IMPG1: variants seen among roughly 807,000 people sequenced by gnomAD.
IMPG1 encodes the protein interphotoreceptor matrix proteoglycan of 150 kDa.
A neutral mutation model predicts 92.0 loss-of-function variants in IMPG1; 85 were observed. The observed-to-expected ratio is 0.92, with a 90% CI of 0.78 to 1.11. The LOEUF (loss-of-function observed/expected upper bound fraction) is 1.11. Among genes scored for constraint, IMPG1 ranks in the 50% least tolerant of loss-of-function variants. The probability of loss-of-function intolerance (pLI) is 0.00; values close to 1 mark genes in which losing one functional copy is unlikely to be tolerated. For synonymous variants in IMPG1, 367 were observed against 334.1 expected (o/e 1.10, Z -1.08); for missense variants, 1,022 against 956.0 (o/e 1.07, Z -0.91).
chr6:75,974,785 G>C (rs1782508291), intron 12 of IMPG1, among the ~76,000 whole-genome samples: 1 of 151,956 alleles, frequency 6.6e-6, no homozygotes, highest in Non-Finnish European at 1.5e-5. Context: ...TAAAGTGCTG[G>C]GACTGCAGGC....
intron 4 of IMPG1, among the ~76,000 whole-genome samples, chr6:76,029,328 T>C (rs1205602807): frequency 6.6e-6 from 1 of 152,184 alleles, no homozygotes; most frequent in African/African-American, 2.4e-5. Flanking sequence ...TCAAAGCCAA[T>C]CCAAAAGGCT....
intron 2 of IMPG1, among the ~76,000 whole-genome samples, chr6:76,035,030 G>T (rs566029507): frequency 1.3e-5 from 2 of 152,064 alleles, no homozygotes; most frequent in South Asian, 2.1e-4. Context: ...GTGTGTGTGT[G>T]TGCAAAACTG....
At chr6:75,951,932 A>T (rs1340623116) in intron 12 of IMPG1, among the ~76,000 whole-genome samples, 1 of 115,290 alleles carries the variant, frequency 8.7e-6, no homozygotes, top group Non-Finnish European at 1.7e-5. Flanking sequence ...ACAGAGTGAG[A>T]CTCTGTCTCA....
intron 12 of IMPG1, among the ~76,000 whole-genome samples, chr6:75,980,790 A>G (rs1216840904): frequency 6.6e-6 from 1 of 152,096 alleles, no homozygotes; most frequent in Non-Finnish European, 1.5e-5. Flanking sequence ...CTATTGTGGG[A>G]CTTCAATTTG....
At chr6:76,053,815 A>G (rs1349263421) in intron 1 of IMPG1, among the ~76,000 whole-genome samples, 4 of 152,152 alleles carry the variant, frequency 2.6e-5, no homozygotes, top group African/African-American at 9.7e-5. Context: ...TATTGCTATC[A>G]TGTAAACTTA....
At chr6:76,007,093 C>G (rs1783111424) in intron 9 of IMPG1, among the ~76,000 whole-genome samples, 1 of 152,166 alleles carries the variant, frequency 6.6e-6, no homozygotes, top group African/African-American at 2.4e-5. Flanking sequence ...AGTTTCTCTG[C>G]TTTATTCCAG....
At chr6:75,976,696 G>A (rs35760111) in intron 12 of IMPG1, among the ~76,000 whole-genome samples, 44,457 of 151,994 alleles carry the variant, frequency 0.29, 7,901 homozygotes, top group Non-Finnish European at 0.38. Flanking sequence ...CGGATCACAA[G>A]GTCAGGAGAT....
chr6:75,951,993 T>A (rs886621898), intron 12 of IMPG1, among the ~76,000 whole-genome samples: 1 of 152,074 alleles, frequency 6.6e-6, no homozygotes, highest in Non-Finnish European at 1.5e-5. Context: ...TTTGCCACAG[T>A]TACATTATTA....
At chr6:76,032,407 A>G (rs2149487329) in intron 4 of IMPG1, among the ~76,000 whole-genome samples, 1 of 152,336 alleles carries the variant, frequency 6.6e-6, no homozygotes, top group East Asian at 1.9e-4. Context: ...ATACTCTAGT[A>G]CTAAGATTTT....
At chr6:76,071,987 C>G (rs751038784) in intron 1 of IMPG1, among the ~76,000 whole-genome samples, 4 of 152,054 alleles carry the variant, frequency 2.6e-5, no homozygotes, top group Non-Finnish European at 4.4e-5. Flanking sequence ...GAAAGCAACT[C>G]ATGATTTCAT....
At chr6:75,973,448 T>C (rs1178770706) in intron 12 of IMPG1, among the ~76,000 whole-genome samples, 1 of 152,236 alleles carries the variant, frequency 6.6e-6, no homozygotes, top group Non-Finnish European at 1.5e-5. Flanking sequence ...GTTGACTTTG[T>C]GTCAGGAATT....
intron 14 of IMPG1, among the ~76,000 whole-genome samples, chr6:75,939,489 T>A (rs1411345731): frequency 6.6e-6 from 1 of 152,218 alleles, no homozygotes; most frequent in African/African-American, 2.4e-5. Context: ...CTGAGAATGA[T>A]GGTTTCCAGC....
Position 76,034,355 on chromosome 6 carries a change from T to C in IMPG1, c.469-12A>G. 6.2e-7 allele frequency: 1 copy of C among 1,611,272 alleles called. No individual in the cohort carries two copies. The highest frequency in any genetic ancestry group is 8.5e-7 in the Non-Finnish European group (1 of 1,177,674). ...CTCTGTTTTATTCTCTGCAAAAAGA[T>C]AAAGATAAAATGTAATTTTACCAGG... On this transcript the variant is annotated splice_polypyrimidine_tract_variant and intron_variant, in intron 3 of 16. Transcript: ENST00000369950.
intron 7 of IMPG1, among the ~76,000 whole-genome samples, chr6:76,013,641 C>A (rs191023520): frequency 6.6e-6 from 1 of 152,054 alleles, no homozygotes; most frequent in African/African-American, 2.4e-5. Flanking sequence ...TTGGCCATGT[C>A]CTGTTTATTC....
At chr6:75,941,396 C>T (rs1167802905) in intron 14 of IMPG1, among the ~76,000 whole-genome samples, 1 of 152,178 alleles carries the variant, frequency 6.6e-6, no homozygotes, top group African/African-American at 2.4e-5. Flanking sequence ...ATAACAATCC[C>T]ATCCAGTAAA....
chr6:76,025,348 A>G (rs1341568), intron 4 of IMPG1, 90 bp from the exon 5 acceptor site: 219,211 of 634,036 alleles, frequency 0.35, 38,703 homozygotes, highest in East Asian at 0.49. Context: ...ATACTGAGTA[A>G]ACCTAAAAGT....
chr6:76,072,594 G>T lies in IMPG1; in HGVS notation c.-106C>A. ...AAATAATTATATATTGATACCAGAT[G>T]ATTGAGGATAACCTTCTTGGTTTAC... On this transcript the variant is annotated 5_prime_UTR_variant, in exon 1 of 17. Coordinates refer to ENST00000369950, the MANE Select transcript of IMPG1 (RefSeq NM_001563.4). 1 of 647,924 alleles carries T rather than the reference G, an allele frequency of 1.5e-6. No individual in the cohort carries two copies. Among genetic ancestry groups the T allele is most frequent in the East Asian group, 3.0e-5 (1 of 33,750 alleles). 40.1% of individuals were successfully genotyped at this position (647,924 alleles called of 1,614,324 possible).
chr6:75,943,318 T>C (rs1252977484), intron 14 of IMPG1, among the ~76,000 whole-genome samples: 4 of 152,064 alleles, frequency 2.6e-5, no homozygotes, highest in African/African-American at 9.7e-5. Flanking sequence ...GAGGTGTTTG[T>C]GTCGTAGGGG....
chr6:76,064,575 G>A (rs2127598337), intron 1 of IMPG1, among the ~76,000 whole-genome samples: 1 of 152,092 alleles, frequency 6.6e-6, no homozygotes, highest in South Asian at 2.1e-4. Flanking sequence ...AGCTTCCCTT[G>A]CCACCCCTCT....
Sources: allele counts gnomAD v4.1 joint callset (sites outside exome capture counted in the v4.1 genomes callset), GRCh38; gene constraint gnomAD v4.1.1; transcripts MANE v1.5; gene names NCBI Gene and HGNC (gene_info 2026-07-23, HGNC 2026-07-21).